The following TONSL variants were observed in gnomAD, a reference collection of about 807,000 sequenced individuals.
TONSL encodes the protein tonsoku-like protein.
TONSL carries 112 observed loss-of-function variants against 147.1 expected under a neutral mutation model. The observed-to-expected ratio is 0.76, with a 90% CI of 0.65 to 0.89. The LOEUF (loss-of-function observed/expected upper bound fraction) is 0.89. Among genes scored for constraint, TONSL ranks in the 40% least tolerant of loss-of-function variants. TONSL has a pLI of 0.00. For missense variants in TONSL, 1,883 were observed against 1,864.6 expected (o/e 1.01, Z -0.18); for synonymous variants, 868 against 801.5 (o/e 1.08, Z -1.40).
At position 144,435,971 on chromosome 8, in the gene TONSL, TG is replaced by T; in HGVS notation, c.2461del (p.Gln821ArgfsTer22). On this transcript the variant is annotated frameshift_variant, in exon 17 of 26. Transcript: ENST00000409379. LOFTEE classifies it high-confidence loss of function. The part of the protein sequence containing the change: ...PRGHSKALAP[Q>X]AALIPEEECL... Reference sequence around the variant, plus strand: ...CTCCTCCTCCGGGATGAGCGCTGCCTGGGGGGCAAGGGCTTTGCTGTGGCCC... The same window carrying T: ...CTCCTCCTCCGGGATGAGCGCTGCCTGGGGGCAAGGGCTTTGCTGTGGCCC... 6.4e-7 allele frequency: 1 copy of T among 1,556,290 alleles called. No individual in the cohort carries two copies. Among genetic ancestry groups the T allele is most frequent in the Non-Finnish European group, 8.7e-7 (1 of 1,151,340 alleles).
intron 7 of TONSL, 54 bp downstream of exon 7, chr8:144,441,983 C>T: frequency 6.5e-7 from 1 of 1,537,622 alleles, no homozygotes; most frequent in Non-Finnish European, 9.0e-7. Flanking sequence ...ACCCCGCCCC[C>T]AGGCTCACCC....
At chr8:144,430,218 T>A (rs534736819) in intron 25 of TONSL, among the ~76,000 whole-genome samples, 186 bp downstream of exon 25, 1 of 152,298 alleles carries the variant, frequency 6.6e-6, no homozygotes, top group African/African-American at 2.4e-5. Context: ...CCCATGGTTT[T>A]AGGAGCTGGG....
At position 144,436,321 on chromosome 8, in the gene TONSL, A is replaced by T. The variant is rs763428573; in HGVS notation, c.2112T>A (p.Asn704Lys). 5.3e-6 allele frequency: 8 copies of T among 1,502,136 alleles called. No homozygotes were observed. The highest frequency in any genetic ancestry group is 7.1e-6 in the Non-Finnish European group (8 of 1,132,710). The allele number at this position is 1,502,136 out of a possible 1,614,324, so 93.1% of individuals were successfully genotyped here. A position where few individuals can be genotyped will look rare whatever the true frequency, so the allele number is the denominator to read the frequency against. Residue 704 changes from asparagine (N) to lysine (K), a missense_variant, in exon 17 of 26, where the codon AAT (asparagine) becomes AAA (lysine). Coordinates refer to ENST00000409379, the MANE Select transcript of TONSL (RefSeq NM_013432.5). ...PLSPCPEPPS[N>K]STRLPEASQA... Reference sequence around the variant, plus strand: ...GAGAGGCCTCTGGGAGTCTAGTGCTATTAGAGGGGGGTTCTGGGCAGGGGC... The same window carrying T: ...GAGAGGCCTCTGGGAGTCTAGTGCTTTTAGAGGGGGGTTCTGGGCAGGGGC...
intron 13 of TONSL, among the ~76,000 whole-genome samples, chr8:144,438,062 C>T (rs1481969299): frequency 6.6e-6 from 1 of 152,188 alleles, no homozygotes; most frequent in Non-Finnish European, 1.5e-5. Context: ...GCCATCACAT[C>T]CACCTAATTT....
intron 22 of TONSL, chr8:144,433,256 T>G (rs1389127264): frequency 4.8e-6 from 1 of 209,424 alleles, no homozygotes; most frequent in Non-Finnish European, 9.8e-6. Flanking sequence ...AATTGTATTT[T>G]TAATAGAGAC....
rs769696451 is a variant in TONSL, at chr8:144,443,121, C to T, written c.448+17G>A. On this transcript the variant is annotated intron_variant, in intron 4 of 25. Coordinates refer to ENST00000409379, the MANE Select transcript of TONSL (RefSeq NM_013432.5). ...CCCGAAGTTCAGGAGGCAGAAAACGCGGAGGGGTCTGCCCACCCTCCAGCT... is the reference window on the plus strand; with the variant it reads ...CCCGAAGTTCAGGAGGCAGAAAACGTGGAGGGGTCTGCCCACCCTCCAGCT... The T allele has an allele frequency of 2.3e-5, 36 of 1,545,018 alleles. No individual in the cohort carries two copies. The highest frequency in any genetic ancestry group is 2.8e-5 in the Non-Finnish European group (32 of 1,142,732).
chr8:144,435,332 T>C, intron 18 of TONSL, 142 bp downstream of exon 18: 1 of 1,230,698 alleles, frequency 8.1e-7, no homozygotes, highest in Non-Finnish European at 1.1e-6. Flanking sequence ...CACCAGCCCC[T>C]CTGCTATTCC....
In TONSL at chr8:144,436,688, G is replaced by C; in HGVS notation, c.1891-7C>G. 6.2e-7 allele frequency: 1 copy of C among 1,611,858 alleles called. No homozygotes were observed. Among genetic ancestry groups the C allele is most frequent in the Non-Finnish European group, 8.5e-7 (1 of 1,179,908 alleles). ...TCTCCAGCGGGCTGAGGCCCTGTGTGGCATCAGTTGAGCAGGGGCACAGCA... is the reference window on the plus strand; with the variant it reads ...TCTCCAGCGGGCTGAGGCCCTGTGTCGCATCAGTTGAGCAGGGGCACAGCA... On this transcript the variant is annotated splice_polypyrimidine_tract_variant and splice_region_variant and intron_variant, in intron 15 of 25. Coordinates refer to ENST00000409379, the MANE Select transcript of TONSL (RefSeq NM_013432.5).
intron 5 of TONSL, 84 bp downstream of exon 5, chr8:144,442,593 A>G (rs1302686858): frequency 1.9e-6 from 3 of 1,544,202 alleles, no homozygotes; most frequent in Non-Finnish European, 2.6e-6. Flanking sequence ...CTCTCTCAGG[A>G]GGACTCTGGG....
chr8:144,431,179 C>A, intron 23 of TONSL, 28 bp from the exon 24 acceptor site: 1 of 1,612,444 alleles, frequency 6.2e-7, no homozygotes, highest in Non-Finnish European at 8.5e-7. Flanking sequence ...CCCAAGGGGG[C>A]CAAACGGAGT....
At chr8:144,441,441 A>G in intron 7 of TONSL, 1 of 237,034 alleles carries the variant, frequency 4.2e-6, no homozygotes, top group Non-Finnish European at 8.4e-6. Flanking sequence ...AAATACAAAA[A>G]ATCAGCCGGG....
chr8:144,442,915 C>T (rs1339501667), intron 4 of TONSL, 109 bp from the exon 5 acceptor site: 1 of 1,416,366 alleles, frequency 7.1e-7, no homozygotes, highest in Non-Finnish European at 9.4e-7. Context: ...CTCCCTCCTC[C>T]CGAGGTGGGT....
In TONSL at chr8:144,442,021, G is replaced by A. The variant is rs771245192; in HGVS notation, c.865+16C>T. 13 of 1,609,166 alleles carry A rather than the reference G, an allele frequency of 8.1e-6. No individual in the cohort carries two copies. Among genetic ancestry groups the A allele is most frequent in the South Asian group, 2.2e-5 (2 of 90,930 alleles). On this transcript the variant is annotated intron_variant, in intron 7 of 25. Coordinates refer to ENST00000409379, the MANE Select transcript of TONSL (RefSeq NM_013432.5). ...GCACACACCTCCCAGGGCCCCATTC[G>A]CACCCCCAGGCTCACCATGCTGGAG...
At chr8:144,435,257 G>A (rs1823393916) in intron 18 of TONSL, 87 bp from the exon 19 acceptor site, 1 of 1,424,128 alleles carries the variant, frequency 7.0e-7, no homozygotes, top group Non-Finnish European at 9.2e-7. Context: ...AGGGCCAGAA[G>A]CCCCCTCAGC....
intron 13 of TONSL, chr8:144,438,204 G>A (rs184505183): frequency 1.2e-4 from 66 of 536,678 alleles, no homozygotes; most frequent in African/African-American, 8.4e-4. Flanking sequence ...TGCAGCCTCC[G>A]CTTTTTAAAT....
chr8:144,442,252 C>A lies in TONSL; in HGVS notation c.739G>T (p.Val247Phe). Residue 247 changes from valine to phenylalanine, a missense_variant, in exon 6 of 26, where the codon GTT becomes TTT. Physicochemically the swap from Val to Phe is conservative, Grantham distance 50 (BLOSUM62 -1). Coordinates refer to ENST00000409379, the MANE Select transcript of TONSL (RefSeq NM_013432.5). Reference protein sequence around the residue: ...KRFMESECCVVIAQVLQDLGD... With the variant: ...KRFMESECCVFIAQVLQDLGD... ...CGCACAGCGGGTACCTGTGCAATAA[C>A]CACGCAGCACTCGCTCTCCATGAAC... 6.3e-7 allele frequency: 1 copy of A among 1,588,552 alleles called. No individual in the cohort carries two copies. The highest frequency in any genetic ancestry group is 1.7e-5 in the Admixed American group (1 of 58,204).
chr8:144,440,162 G>A lies in TONSL; in HGVS notation c.1339C>T (p.Gln447Ter). ...CTGGTTTCGGTCTCAGGGGCCTCCT[G>A]GGGCTGCAGCCTCAGCTGCACGGTA... ...LHTVQLRLQP[Q>*]EAPETETRLR... Residue 447 changes from glutamine to a stop codon, truncating the protein, a stop_gained, in exon 11 of 26, where the codon CAG becomes TAG. Transcript: ENST00000409379. LOFTEE classifies it high-confidence loss of function. The A allele has an allele frequency of 6.2e-7, 1 of 1,610,842 alleles. No homozygotes were observed. Among genetic ancestry groups the A allele is most frequent in the Non-Finnish European group, 8.5e-7 (1 of 1,179,218 alleles).
chr8:144,436,901 C>T lies in TONSL; in HGVS notation c.1746G>A (p.Leu582=). 1.2e-6 allele frequency: 2 copies of T among 1,608,618 alleles called. No homozygotes were observed. The highest frequency in any genetic ancestry group is 1.1e-5 in the South Asian group (1 of 91,030). The change falls in exon 15 of 26, where the codon CTG becomes CTA. Residue 582 remains leucine (L), a synonymous_variant. Transcript: ENST00000409379. Reference sequence around the variant, plus strand: ...GGTCGTCCACTGCGGCCCCGTGGTCCAGCAGGAAGCGGACAATTTCTGCAG... The same window carrying T: ...GGTCGTCCACTGCGGCCCCGTGGTCTAGCAGGAAGCGGACAATTTCTGCAG... The part of the protein sequence containing the change: ...YGHLEIVRFL[L]DHGAAVDDPG...
chr8:144,434,965 CG>C, intron 19 of TONSL, 51 bp downstream of exon 19: 3 of 1,610,780 alleles, frequency 1.9e-6, no homozygotes, highest in East Asian at 2.2e-5. Context: ...ATGAGCCACC[CG>C]GGGGCTCCCG....
Sources: allele counts gnomAD v4.1 joint callset (sites outside exome capture counted in the v4.1 genomes callset), GRCh38; gene constraint gnomAD v4.1.1; transcripts MANE v1.5; gene names NCBI Gene and HGNC (gene_info 2026-07-23, HGNC 2026-07-21).